BACH2: variants seen among roughly 807,000 people sequenced by gnomAD.
BACH2 encodes BACH transcriptional regulator 2.
In BACH2, 5 loss-of-function variants were observed where a neutral mutation model predicts 61.8. The ratio of observed to expected loss-of-function variants is 0.08; its 90% confidence interval spans 0.04 to 0.17. The LOEUF is 0.17. BACH2 is among the 10% of genes least tolerant of loss of function. BACH2 has a pLI of 1.00. For missense variants in BACH2, 824 were observed against 1,091.1 expected (o/e 0.76, Z 3.45); for synonymous variants, 446 against 440.1 (o/e 1.01, Z -0.17).
intron 5 of BACH2, among the ~76,000 whole-genome samples, chr6:90,066,388 G>A (rs1780966751): frequency 1.3e-5 from 2 of 152,086 alleles, no homozygotes; most frequent in Non-Finnish European, 1.5e-5. Flanking sequence ...GCAAAATGAA[G>A]GACACTGACT....
At position 89,951,177 on chromosome 6, in the gene BACH2, T is replaced by C. The variant is rs757835035; in HGVS notation, c.929A>G (p.Asp310Gly). Residue 310 changes from aspartate (D) to glycine (G), a missense_variant, in exon 7 of 9, where the codon GAC becomes GGC. Physicochemically the swap from Asp to Gly is moderately conservative, Grantham distance 94. Around this residue, in one of 8 missense-constraint regions of BACH2, gnomAD observed 226 missense variants for 228.5 expected, o/e 0.99. Coordinates refer to ENST00000257749, the MANE Select transcript of BACH2 (RefSeq NM_021813.4). This position sits in a 1 kb window ranked among gnomAD's most constrained non-coding sequence, Gnocchi z 6.4. ...AKDRAGDVEM[D>G]RKQPSPAPTP... ...AGGGGCAGGGCTGGGCTGTTTCCGGTCCATCTCGACATCCCCCGCTCTGTC... is the reference window on the plus strand; with the variant it reads ...AGGGGCAGGGCTGGGCTGTTTCCGGCCCATCTCGACATCCCCCGCTCTGTC... 1 of 1,613,630 alleles carries C rather than the reference T, an allele frequency of 6.2e-7. No individual in the cohort carries two copies. The highest frequency in any genetic ancestry group is 1.1e-5 in the South Asian group (1 of 91,070).
At chr6:90,135,746 T>C (rs1461445058) in intron 4 of BACH2, among the ~76,000 whole-genome samples, 3 of 152,176 alleles carry the variant, frequency 2.0e-5, no homozygotes, top group Non-Finnish European at 4.4e-5. Flanking sequence ...TCAAGATTAC[T>C]AGGAGCCTTG....
intron 2 of BACH2, among the ~76,000 whole-genome samples, chr6:90,260,998 A>G (rs552996906): frequency 6.6e-6 from 1 of 152,314 alleles, no homozygotes; most frequent in South Asian, 2.1e-4. Context: ...GGGAGACGCT[A>G]GTGGCAATTT....
At chr6:90,179,777 A>G (rs1003423025) in intron 4 of BACH2, among the ~76,000 whole-genome samples, 4 of 152,214 alleles carry the variant, frequency 2.6e-5, no homozygotes, top group African/African-American at 7.2e-5. Context: ...TAAATTTAAA[A>G]TTACATTTAC....
At chr6:90,099,160 G>A (rs1284646787) in intron 4 of BACH2, among the ~76,000 whole-genome samples, 1 of 152,046 alleles carries the variant, frequency 6.6e-6, no homozygotes, top group African/African-American at 2.4e-5. Context: ...TTCTTGGGAA[G>A]ACTTTGCCCA....
intron 4 of BACH2, among the ~76,000 whole-genome samples, chr6:90,166,963 G>A (rs146465995): frequency 0.031 from 4,773 of 151,998 alleles, 243 homozygotes; most frequent in African/African-American, 0.11. Context: ...GCTAAATGAC[G>A]AGTTACTGGG....
chr6:90,261,900 A>G (rs1771171157), intron 2 of BACH2, among the ~76,000 whole-genome samples: 1 of 152,266 alleles, frequency 6.6e-6, no homozygotes, highest in East Asian at 1.9e-4. Flanking sequence ...TCTCAGCACC[A>G]TCATCTCCTT....
At chr6:90,118,192 T>C (rs1442729026) in intron 4 of BACH2, among the ~76,000 whole-genome samples, 1 of 152,218 alleles carries the variant, frequency 6.6e-6, no homozygotes, top group Non-Finnish European at 1.5e-5. Flanking sequence ...AGGAATGTCA[T>C]ACTAACCAAG....
rs942344397 is a variant in BACH2 at position 89,930,957 on chromosome 6, C to T, written c.*1451G>A. ...TCTCCCAATGGGGTGAAGGCAGGAC[C>T]TTCGGGGCTGTGATTCAAATCCCCT... On this transcript the variant is annotated 3_prime_UTR_variant, in exon 9 of 9. Transcript: ENST00000257749. 2.0e-5 allele frequency: 3 copies of T among 149,652 alleles called. No individual in the cohort carries two copies. The highest frequency in any genetic ancestry group is 3.0e-5 in the Non-Finnish European group (2 of 66,378). 9.3% of individuals were successfully genotyped at this position (149,652 alleles called of 1,614,324 possible).
intron 5 of BACH2, among the ~76,000 whole-genome samples, chr6:90,048,957 G>C (rs1015578078): frequency 2.4e-4 from 36 of 152,164 alleles, no homozygotes; most frequent in African/African-American, 8.0e-4. Context: ...AACCCAACTT[G>C]CAGGGTTCTA....
intron 1 of BACH2, among the ~76,000 whole-genome samples, chr6:90,296,208 T>G (rs561759668): frequency 6.6e-6 from 1 of 151,938 alleles, no homozygotes; most frequent in African/African-American, 2.4e-5. Flanking sequence ...CAAAATACAA[T>G]GCGCCTCGGC....
chr6:90,259,297 C>T (rs890924578), intron 2 of BACH2, among the ~76,000 whole-genome samples: 2 of 152,126 alleles, frequency 1.3e-5, no homozygotes, highest in African/African-American at 4.8e-5. Flanking sequence ...TGGACTTTGT[C>T]AAATGCTTTT....
chr6:89,987,758 A>T (rs1186646307), intron 6 of BACH2, among the ~76,000 whole-genome samples: 1 of 149,988 alleles, frequency 6.7e-6, no homozygotes, highest in Non-Finnish European at 1.5e-5. Flanking sequence ...CCATTATTAT[A>T]AAAAAAAAAT....
intron 2 of BACH2, among the ~76,000 whole-genome samples, chr6:90,254,286 C>A (rs189809194): frequency 2.6e-5 from 4 of 151,362 alleles, no homozygotes; most frequent in Non-Finnish European, 5.9e-5. Flanking sequence ...ATAATTTGTT[C>A]ATGAAAAAAT....
At chr6:90,156,033 A>C (rs1784985459) in intron 4 of BACH2, among the ~76,000 whole-genome samples, 2 of 152,162 alleles carry the variant, frequency 1.3e-5, no homozygotes, top group Admixed American at 1.3e-4. Flanking sequence ...AAAAGATTGG[A>C]ATTCCAAGGT....
intron 6 of BACH2, among the ~76,000 whole-genome samples, chr6:89,994,824 G>A (rs561319452): frequency 6.6e-5 from 10 of 152,212 alleles, no homozygotes; most frequent in African/African-American, 2.4e-4. Flanking sequence ...ATTAGAAAAT[G>A]CACACAAAGA....
chr6:90,295,077 C>G (rs538685003), intron 1 of BACH2, among the ~76,000 whole-genome samples: 1 of 151,742 alleles, frequency 6.6e-6, no homozygotes, highest in African/African-American at 2.4e-5. Context: ...AAACCAGGAA[C>G]GCCGCGTCTC....
intron 5 of BACH2, among the ~76,000 whole-genome samples, chr6:90,013,604 T>G (rs182663212): frequency 2.2e-4 from 33 of 151,816 alleles, no homozygotes; most frequent in Non-Finnish European, 4.3e-4. Context: ...CCTCCTGGGT[T>G]CACGCCATTC....
At chr6:90,296,286 C>G (rs899715243) in intron 1 of BACH2, among the ~76,000 whole-genome samples, 194 bp downstream of exon 1, 6 of 151,862 alleles carry the variant, frequency 4.0e-5, no homozygotes, top group Admixed American at 1.3e-4. Context: ...GCTCCCACCC[C>G]CTTCCCGTTC....
Sources: gnomAD v4.1 joint callset for allele counts (sites outside exome capture counted in the v4.1 genomes callset) on GRCh38, gnomAD v4.1.1 for gene constraint, gnomAD v4.1.1 regional missense constraint, Gnocchi (gnomAD v3.1) non-coding constraint, MANE v1.5 for transcripts, NCBI Gene and HGNC (gene_info 2026-07-23, HGNC 2026-07-21) for gene names.